PPP1R9A: variants seen among roughly 807,000 people sequenced by gnomAD.
PPP1R9A encodes the protein neurabin-1.
PPP1R9A carries 59 observed loss-of-function variants against 141.9 expected under a neutral mutation model. The observed-to-expected ratio is 0.42, with a 90% confidence interval of 0.34 to 0.52. PPP1R9A has a LOEUF of 0.52. Ranked by LOEUF, PPP1R9A falls within the 20% of genes least tolerant of loss-of-function variation. PPP1R9A has a pLI of 0.10. For missense variants in PPP1R9A, 1,444 were observed against 1,611.9 expected, an observed-to-expected ratio of 0.90 and a Z score of 1.78; for synonymous variants, 500 against 569.7, an observed-to-expected ratio of 0.88 and a Z score of 1.74.
chr7:95,242,276 C>T (rs996608338), intron 8 of PPP1R9A, among the ~76,000 whole-genome samples: 1 of 152,076 alleles, frequency 6.6e-6, no homozygotes, highest in Admixed American at 6.6e-5. Flanking sequence ...ATTTAGATCC[C>T]AATCTAGAAA....
Position 95,198,352 on chromosome 7 carries a change from T to G in PPP1R9A, c.1758T>G (p.Phe586Leu). 6.2e-7 allele frequency: 1 copy of G among 1,600,380 alleles called. No homozygotes were observed. ...GTCTTTGTTAACCTTTCCACAGATT[T>G]GTTATTGGGCGGGAAAAACCAGGAC... ...VLRNTKGNVR[F>L]VIGREKPGQV... is the part of the protein sequence containing the mutation. Residue 586 changes from phenylalanine (F) to leucine (L), a missense_variant, in exon 6 of 20, where the codon TTT becomes TTG. By Grantham distance (22) the Phe-to-Leu change is conservative. Around this residue, in one of 5 missense-constraint regions of PPP1R9A, gnomAD observed 488 missense variants for 542.0 expected, o/e 0.90. Transcript: ENST00000433360.
intron 5 of PPP1R9A, among the ~76,000 whole-genome samples, chr7:95,179,778 CAAAAAA>C (rs61054939): frequency 1.0e-5 from 1 of 97,004 alleles, no homozygotes; most frequent in Non-Finnish European, 2.1e-5. Flanking sequence ...ACAATAGCTG[CAAAAAA>C]AAAAAAAAAA....
chr7:94,963,258 G>A (rs1391748594), intron 2 of PPP1R9A, among the ~76,000 whole-genome samples: 1 of 152,016 alleles, frequency 6.6e-6, no homozygotes, highest in Non-Finnish European at 1.5e-5. Flanking sequence ...AACTTGGATT[G>A]GTGAAGCATG....
chr7:95,248,412 C>T (rs1798438602), intron 9 of PPP1R9A, among the ~76,000 whole-genome samples: 1 of 151,720 alleles, frequency 6.6e-6, no homozygotes, highest in Non-Finnish European at 1.5e-5. Context: ...TCAGCTAATT[C>T]ACTCTGCAGC....
intron 2 of PPP1R9A, among the ~76,000 whole-genome samples, chr7:95,081,570 C>G (rs1815835844): frequency 6.6e-6 from 1 of 152,066 alleles, no homozygotes; most frequent in African/African-American, 2.4e-5. Context: ...GCTATAGAAA[C>G]TTTCCAAAAT....
intron 1 of PPP1R9A, chr7:94,907,930 C>G (rs1397168924): frequency 6.8e-6 from 1 of 147,624 alleles, no homozygotes; most frequent in Non-Finnish European, 1.5e-5. Context: ...CCGCCCGCCG[C>G]GGGCAGGGAG....
intron 2 of PPP1R9A, among the ~76,000 whole-genome samples, chr7:95,069,540 G>A (rs759680228): frequency 1.2e-4 from 19 of 152,042 alleles, no homozygotes; most frequent in Non-Finnish European, 2.6e-4. Context: ...TACCCCAGTG[G>A]AGGTTATGTA....
rs1424357245 is a variant in PPP1R9A at position 95,198,308 on chromosome 7, TGGAGAG to T, written c.1755-40_1755-35del. ...TACTTTTCTTAAAACTCCTTTTTGTTGGAGAGTCTTAAATATTAGTCTTTGTTAACC... is the reference window on the plus strand; with the variant it reads ...TACTTTTCTTAAAACTCCTTTTTGTTTCTTAAATATTAGTCTTTGTTAACC... On this transcript the variant is annotated intron_variant, in intron 5 of 19. Transcript: ENST00000433360. 6 of 1,533,866 alleles carry T rather than the reference TGGAGAG, an allele frequency of 3.9e-6. No individual in the cohort carries two copies. In the Admixed American group the frequency reaches 8.5e-5, roughly 22 times the overall value.
intron 4 of PPP1R9A, among the ~76,000 whole-genome samples, chr7:95,159,352 A>C (rs141044221): frequency 6.6e-6 from 1 of 152,190 alleles, no homozygotes; most frequent in African/African-American, 2.4e-5. Context: ...ATGCCTATTC[A>C]TGCATATATA....
chr7:95,278,200 C>T (rs1166864760), intron 16 of PPP1R9A, among the ~76,000 whole-genome samples: 1 of 152,292 alleles, frequency 6.6e-6, no homozygotes, highest in African/African-American at 2.4e-5. Flanking sequence ...CACTGCATGG[C>T]TCTGACTTCC....
chr7:95,286,370 G>A lies in PPP1R9A; in HGVS notation c.3729+45G>A, dbSNP rs376155193. On this transcript the variant is annotated intron_variant, in intron 18 of 19. Coordinates refer to ENST00000433360, the MANE Select transcript of PPP1R9A (RefSeq NM_001166160.2). ...ACAGAGCTGCTTTGTCAAATCTGAC[G>A]TTTTACCCATGAACCATCACCAGGA... 6.3e-5 allele frequency: 101 copies of A among 1,604,576 alleles called. 1 individual carries two copies. Among genetic ancestry groups the A allele is most frequent in the African/African-American group, 1.3e-4 (10 of 74,640 alleles).
At chr7:95,054,621 C>T (rs999663754) in intron 2 of PPP1R9A, among the ~76,000 whole-genome samples, 41 of 152,142 alleles carry the variant, frequency 2.7e-4, no homozygotes, top group Admixed American at 1.3e-3. Context: ...AGGCCCTATG[C>T]GTCCTGGCTC....
At chr7:95,219,419 A>G (rs1794063858) in intron 7 of PPP1R9A, among the ~76,000 whole-genome samples, 1 of 151,766 alleles carries the variant, frequency 6.6e-6, no homozygotes, top group East Asian at 1.9e-4. Context: ...CTTCATTTCA[A>G]CTTTGGTGAA....
In PPP1R9A at chr7:94,977,166, T is replaced by C. The variant is rs1362943624; in HGVS notation, c.1395+65658T>C. ...TTACATATTAAACTTGAGGTGCCTG[T>C]TAGACATTCAAATTGAGGTGTTCGA... On this transcript the variant is annotated intron_variant, in intron 2 of 19. Transcript: ENST00000433360. 2.0e-5 allele frequency among the ~76,000 whole-genome samples: 3 copies of C among 152,162 alleles called. No individual in the cohort carries two copies. The East Asian group carries it at 5.8e-4, about 29-fold the overall frequency.
At chr7:95,083,204 G>C (rs143516575) in intron 2 of PPP1R9A, among the ~76,000 whole-genome samples, 6 of 152,094 alleles carry the variant, frequency 3.9e-5, no homozygotes, top group African/African-American at 1.5e-4. Flanking sequence ...AGGTAAATCT[G>C]TGTATTTTTA....
intron 2 of PPP1R9A, among the ~76,000 whole-genome samples, chr7:94,913,241 T>C (rs535199096): frequency 6.6e-6 from 1 of 152,236 alleles, no homozygotes; most frequent in Non-Finnish European, 1.5e-5. Context: ...CACTAGTTGG[T>C]TTAATGGATT....
intron 7 of PPP1R9A, among the ~76,000 whole-genome samples, chr7:95,211,267 G>A (rs1270129354): frequency 2.0e-5 from 3 of 152,108 alleles, no homozygotes; most frequent in Admixed American, 6.5e-5. Flanking sequence ...TGACCAACAG[G>A]ATTGGAAGGG....
intron 4 of PPP1R9A, among the ~76,000 whole-genome samples, chr7:95,130,386 C>G (rs941607714): frequency 1.3e-5 from 2 of 152,150 alleles, no homozygotes; most frequent in African/African-American, 4.8e-5. Flanking sequence ...GAACCTTTGC[C>G]TAGATTTCAG....
chr7:95,257,700 T>C (rs2153022717), intron 12 of PPP1R9A, among the ~76,000 whole-genome samples: 1 of 152,128 alleles, frequency 6.6e-6, no homozygotes, highest in South Asian at 2.1e-4. Context: ...CTATGTGTGA[T>C]GTTCCCCTTC....
Sources: allele counts gnomAD v4.1 joint callset (sites outside exome capture counted in the v4.1 genomes callset), GRCh38; gene constraint gnomAD v4.1.1; regional missense constraint gnomAD v4.1.1; transcripts MANE v1.5; gene names NCBI Gene and HGNC (gene_info 2026-07-23, HGNC 2026-07-21).